ZNF185: variants seen among roughly 807,000 people sequenced by gnomAD.
ZNF185 encodes zinc finger protein 185.
In ZNF185, 56 loss-of-function variants were observed where a neutral mutation model predicts 58.6. That is an observed-to-expected ratio of 0.95 (90% CI 0.77 to 1.19). The LOEUF is 1.19. ZNF185 is among the 50% of genes most tolerant of loss of function. The pLI, the probability that ZNF185 is intolerant of heterozygous loss-of-function variation, is 0.00. For synonymous variants in ZNF185, 230 were observed against 215.9 expected (o/e 1.07, Z -0.57); for missense variants, 627 against 573.5 (o/e 1.09, Z -0.95).
chrX:152,918,445 G>A (rs1569493402), intron 6 of ZNF185, among the ~76,000 whole-genome samples: 1 of 113,146 alleles, frequency 8.8e-6, no homozygotes, highest in Non-Finnish European at 1.9e-5. Context: ...TGGGTCGTGA[G>A]GCTGCTGCTG....
At chrX:152,899,005 C>T in the ZNF185 span, among the ~76,000 whole-genome samples, 68 of 112,257 alleles carry the variant, frequency 6.1e-4, 1 homozygote, top group Middle Eastern at 4.6e-3. Context: ...GTCAAGCTGC[C>T]TCCCACCCAG....
At chrX:152,911,454 G>A (rs782791617), upstream of ZNF185, among the ~76,000 whole-genome samples, 133 of 111,407 alleles carry the variant, frequency 1.2e-3, 1 homozygote, top group East Asian at 1.7e-3. Context: ...TGGGATTAGA[G>A]ACCAATGAGT....
chrX:152,908,857 C>T, the ZNF185 span, among the ~76,000 whole-genome samples: 2 of 113,561 alleles, frequency 1.8e-5, no homozygotes, highest in Admixed American at 9.2e-5. Context: ...AGCTCTTGTG[C>T]GTGGGCTGCA....
At chrX:152,957,446 T>A (rs1556905908) in intron 16 of ZNF185, among the ~76,000 whole-genome samples, 1 of 111,924 alleles carries the variant, frequency 8.9e-6, no homozygotes, top group African/African-American at 3.3e-5. Context: ...CCTTAACTAC[T>A]GAGCCCAGAA....
At chrX:152,917,936 C>A in intron 5 of ZNF185, 129 bp from the exon 7 acceptor site, 4 of 1,114,836 alleles carry the variant, frequency 3.6e-6, no homozygotes, top group Non-Finnish European at 4.7e-6. Flanking sequence ...TCTGTCAGGG[C>A]CAAAAGCAAA....
At position 152,914,790 on chromosome X, in the gene ZNF185, A is replaced by G. The variant is rs782396151; in HGVS notation, c.115A>G (p.Lys39Glu). The change falls in exon 2 of 23, where the codon AAG becomes GAG. Residue 39 changes from lysine to glutamate, a missense_variant. By Grantham distance (56) the Lys-to-Glu change is moderately conservative. Transcript: ENST00000449285. Reference sequence around the variant, plus strand: ...AGTGCGAACCACGCTGAAGGGGGACAAGAGCTGGATTACCAAGCAGGATGA... The same window carrying G: ...AGTGCGAACCACGCTGAAGGGGGACGAGAGCTGGATTACCAAGCAGGATGA... 5.9e-6 allele frequency: 7 copies of G among 1,189,045 alleles called. No homozygotes were observed. The highest frequency in any genetic ancestry group is 2.3e-4 in the Middle Eastern group (1 of 4,331).
chrX:152,950,929 C>T (rs1462957906), intron 16 of ZNF185, among the ~76,000 whole-genome samples: 1 of 111,564 alleles, frequency 9.0e-6, no homozygotes, highest in Non-Finnish European at 1.9e-5. Context: ...ATTGAAAAGA[C>T]TTTAAAAAAA....
At chrX:152,900,234 G>A in the ZNF185 span, among the ~76,000 whole-genome samples, 1 of 112,424 alleles carries the variant, frequency 8.9e-6, no homozygotes, top group Admixed American at 9.3e-5. Flanking sequence ...GGCCACGATA[G>A]GCATCGGCAC....
In ZNF185 at chrX:152,917,856, C is replaced by G. The variant is rs1938825818; in HGVS notation, c.342-209C>G. 8.4e-6 allele frequency: 9 copies of G among 1,077,320 alleles called. No homozygotes were observed. In the East Asian group the frequency reaches 2.4e-4, roughly 28 times the overall value. The allele number at this position is 1,077,320 out of a possible 1,213,427, so 88.8% of individuals were successfully genotyped here. On this transcript the variant is annotated intron_variant, in intron 5 of 22. Transcript: ENST00000449285. ...GGAAGCAAAGACACAGGCAAGAGCCCGCTGGGCTGTTCCCTGAAGCTCGGT... is the reference window on the plus strand; with the variant it reads ...GGAAGCAAAGACACAGGCAAGAGCCGGCTGGGCTGTTCCCTGAAGCTCGGT...
At chrX:152,917,453 G>T in intron 5 of ZNF185, 91 bp downstream of exon 6, 3 of 1,044,904 alleles carry the variant, frequency 2.9e-6, no homozygotes, top group Non-Finnish European at 4.0e-6. Flanking sequence ...TGCCTATCAG[G>T]ACTGTGGGGC....
chrX:152,908,667 T>C, the ZNF185 span, among the ~76,000 whole-genome samples: 13 of 112,823 alleles, frequency 1.2e-4, no homozygotes, highest in African/African-American at 3.9e-4. Context: ...CCCAGCGGTT[T>C]GGAGGAAGCC....
At chrX:152,918,954 G>C (rs1181619687) in intron 6 of ZNF185, 29 bp from the exon 8 acceptor site, 23 of 1,145,330 alleles carry the variant, frequency 2.0e-5, no homozygotes, top group Middle Eastern at 2.4e-4. Context: ...GGCAGCCTAT[G>C]ACAGGAAAGC....
Position 152,959,913 on chromosome X carries a change from A to T in ZNF185, c.1607+17A>T. 8.3e-7 allele frequency: 1 copy of T among 1,199,740 alleles called. No individual in the cohort carries two copies. The highest frequency in any genetic ancestry group is 1.1e-6 in the Non-Finnish European group (1 of 888,004). On this transcript the variant is annotated intron_variant, in intron 17 of 22. Transcript: ENST00000449285. ...CACCAGCAGGTACGAGCCAAACTGCACTGGGACCTTACCTGCTAGAGCCAG... is the reference window on the plus strand; with the variant it reads ...CACCAGCAGGTACGAGCCAAACTGCTCTGGGACCTTACCTGCTAGAGCCAG...
chrX:152,959,618 A>G, intron 16 of ZNF185, 81 bp from the exon 19 acceptor site: 1 of 1,065,025 alleles, frequency 9.4e-7, no homozygotes, highest in South Asian at 2.3e-5. Context: ...TCCACGAGAC[A>G]TGACAGCCAG....
At chrX:152,937,730 C>T (rs782456157) in intron 14 of ZNF185, among the ~76,000 whole-genome samples, 2 of 112,509 alleles carry the variant, frequency 1.8e-5, no homozygotes, top group African/African-American at 6.5e-5. Context: ...CTCATTGAGT[C>T]ATGCAGGCCT....
At chrX:152,919,171 G>T in intron 7 of ZNF185, 90 bp downstream of exon 8, 1 of 721,247 alleles carries the variant, frequency 1.4e-6, no homozygotes, top group South Asian at 2.4e-5. Flanking sequence ...ACTGGTTGGG[G>T]TGACAAAATG....
At chrX:152,951,626 C>G (rs1389416470) in intron 16 of ZNF185, among the ~76,000 whole-genome samples, 3 of 111,572 alleles carry the variant, frequency 2.7e-5, no homozygotes, top group Non-Finnish European at 5.6e-5. Flanking sequence ...TTAATAACTT[C>G]TCTTTCACAG....
chrX:152,963,470 A>G (rs899491180), intron 17 of ZNF185, among the ~76,000 whole-genome samples: 2 of 112,153 alleles, frequency 1.8e-5, no homozygotes, highest in Non-Finnish European at 3.8e-5. Context: ...GGACCGTCCC[A>G]TCCAGTGAGG....
chrX:152,921,805 G>T (rs1939779145), intron 9 of ZNF185, among the ~76,000 whole-genome samples: 1 of 110,981 alleles, frequency 9.0e-6, no homozygotes, highest in African/African-American at 3.3e-5. Flanking sequence ...TCTTCACATG[G>T]CCTTCTCTTC....
Sources: gnomAD v4.1 joint callset for allele counts (sites outside exome capture counted in the v4.1 genomes callset) on GRCh38, gnomAD v4.1.1 for gene constraint, MANE v1.5 for transcripts, NCBI Gene and HGNC (gene_info 2026-07-23, HGNC 2026-07-21) for gene names.